The following TASOR2 variants were observed in gnomAD, a reference collection of about 807,000 sequenced individuals.
TASOR2 encodes the protein transcription activation suppressor family member 2.
TASOR2 carries 84 observed loss-of-function variants against 199.5 expected under a neutral mutation model. That is an observed-to-expected ratio of 0.42 (90% CI 0.35 to 0.50). TASOR2 has a LOEUF of 0.50. Among genes scored for constraint, TASOR2 ranks in the 20% least tolerant of loss-of-function variants. TASOR2 has a pLI of 0.02. For synonymous variants in TASOR2, 1,103 were observed against 1,046.6 expected, an observed-to-expected ratio of 1.05 and a Z score of -1.04; for missense variants, 2,796 against 2,835.9, an observed-to-expected ratio of 0.99 and a Z score of 0.32.
At chr10:5,759,123 G>C in intron 18 of TASOR2, 131 bp downstream of exon 19, 1 of 641,280 alleles carries the variant, frequency 1.6e-6, no homozygotes, top group South Asian at 2.0e-5. Context: ...AGGGCTGCTG[G>C]CTCTGTATTC....
rs776181288 is a variant in TASOR2 at position 5,752,228 on chromosome 10, C to T, written c.6606+2201C>T. Among the ~76,000 whole-genome samples the T allele has an allele frequency of 1.3e-5, 2 of 152,110 alleles. No homozygotes were observed. The highest frequency in any genetic ancestry group is 3.9e-4 in the East Asian group (2 of 5,188). ...TCATGATTCTTATAGTCTAATGGGA[C>T]AAGGAAAACACTGATTAAAAGAGTC... On this transcript the variant is annotated intron_variant, in intron 15 of 20. Coordinates refer to ENST00000328090, the Ensembl canonical transcript of TASOR2. This position sits in a 1 kb window ranked among gnomAD's most constrained non-coding sequence, Gnocchi z 4.4.
In TASOR2 at chr10:5,685,198, C is replaced by T. The variant is rs887457116; in HGVS notation, c.-288+23C>T. The T allele has an allele frequency of 7.5e-6, 3 of 397,674 alleles. No homozygotes were observed. Among genetic ancestry groups the T allele is most frequent in the East Asian group, 3.6e-5 (1 of 28,028 alleles). The allele number at this position is 397,674 out of a possible 1,614,324, so 24.6% of individuals were successfully genotyped here. ...CGGGTAAGTCCCTCCTCGGCCTGGG[C>T]GCCCGGGAACCCTGCGAGGAGGACG... On this transcript the variant is annotated intron_variant, in intron 1 of 20. Coordinates refer to ENST00000328090, the Ensembl canonical transcript of TASOR2. The surrounding 1 kb of genome is among the most constrained non-coding windows in gnomAD (Gnocchi z 5.4).
rs117311602 is a variant in TASOR2, at chr10:5,722,434, C to T, written c.147-1243C>T. Among the ~76,000 whole-genome samples the T allele has an allele frequency of 9.5e-3, 1,440 of 151,210 alleles. 8 individuals carry two copies. Among genetic ancestry groups the T allele is most frequent in the Non-Finnish European group, 0.014 (939 of 67,738 alleles). ...TCGCGCCACTACACTCCAGCCTGGG[C>T]GACAGAGTGAAACCTTATCTCAAAA... On this transcript the variant is annotated intron_variant, in intron 6 of 20. Transcript: ENST00000328090. The surrounding 1 kb of genome is among the most constrained non-coding windows in gnomAD (Gnocchi z 4.0).
intron 1 of TASOR2, among the ~76,000 whole-genome samples, chr10:5,700,921 C>G (rs1364795255): frequency 1.3e-5 from 2 of 150,822 alleles, no homozygotes; most frequent in East Asian, 3.9e-4. Context: ...TATTTTCTCC[C>G]ATTCTGTGGG....
chr10:5,721,022 G>T, intron 6 of TASOR2, 52 bp downstream of exon 7: 4 of 1,478,620 alleles, frequency 2.7e-6, no homozygotes, highest in East Asian at 2.3e-5. Context: ...CAAGTTTTGG[G>T]GTTTTTTTTC....
chr10:5,739,726 A>G (rs757935642), exon 13 of TASOR2: 19 of 1,614,198 alleles, frequency 1.2e-5, no homozygotes, highest in Non-Finnish European at 1.6e-5. Flanking sequence ...GCGGCTCACA[A>G]TGATCTTCCT....
rs1835694885 is a variant in TASOR2 at position 5,685,380 on chromosome 10, C to G, written c.-288+205C>G. 6.6e-6 allele frequency among the ~76,000 whole-genome samples: 1 copy of G among 152,098 alleles called. No individual in the cohort carries two copies. The highest frequency in any genetic ancestry group is 1.5e-5 in the Non-Finnish European group (1 of 68,010). On this transcript the variant is annotated intron_variant, in intron 1 of 20. Transcript: ENST00000328090. The surrounding 1 kb of genome is among the most constrained non-coding windows in gnomAD (Gnocchi z 5.4). Reference sequence around the variant, plus strand: ...TTCTGTCCTGCGCTACAACCTGTGGCCGCGCTCGGTGTCGCCGGCAGGGAG... The same window carrying G: ...TTCTGTCCTGCGCTACAACCTGTGGGCGCGCTCGGTGTCGCCGGCAGGGAG...
At chr10:5,708,962 G>A (rs558310465) in intron 1 of TASOR2, among the ~76,000 whole-genome samples, 16 of 152,106 alleles carry the variant, frequency 1.1e-4, no homozygotes, top group African/African-American at 3.1e-4. Flanking sequence ...TTAGCTTCCC[G>A]GCGTGCTGGG....
chr10:5,714,082 T>A, intron 2 of TASOR2, 53 bp from the exon 3 acceptor site: 2 of 941,492 alleles, frequency 2.1e-6, no homozygotes, highest in Non-Finnish European at 2.8e-6. Context: ...TTACAGATTA[T>A]AGCATTTTTT....
chr10:5,747,253 G>A (rs1809728227), exon 15 of TASOR2: 4 of 1,614,068 alleles, frequency 2.5e-6, no homozygotes, highest in Non-Finnish European at 3.4e-6. Flanking sequence ...GTTATCAGAG[G>A]AAGATTCTGA....
rs1212974524 is a variant in TASOR2, at chr10:5,685,048, C to T, written c.-415C>T. On this transcript the variant is annotated 5_prime_UTR_variant, in exon 1 of 21. Transcript: ENST00000328090. The surrounding 1 kb of genome is among the most constrained non-coding windows in gnomAD (Gnocchi z 5.4). Reference sequence around the variant, plus strand: ...CCCCGCGGGAGCGCGGAGCCGGCGACTGGTGCTTCCCACGTGCGCCGGTGT... The same window carrying T: ...CCCCGCGGGAGCGCGGAGCCGGCGATTGGTGCTTCCCACGTGCGCCGGTGT... 5.0e-6 allele frequency: 2 copies of T among 397,860 alleles called. No individual in the cohort carries two copies. The highest frequency in any genetic ancestry group is 8.9e-6 in the Non-Finnish European group (2 of 225,574). The allele number at this position is 397,860 out of a possible 1,614,324, so 24.6% of individuals were successfully genotyped here. A position where few individuals can be genotyped will look rare whatever the true frequency, so the allele number is the denominator to read the frequency against.
chr10:5,712,530 C>T (rs918900300), intron 1 of TASOR2: 3 of 1,231,434 alleles, frequency 2.4e-6, no homozygotes, highest in Middle Eastern at 3.1e-4. Context: ...ATGACATTTT[C>T]TTAAATGAGG....
At chr10:5,756,420 CT>C (rs1300042763) in intron 15 of TASOR2, among the ~76,000 whole-genome samples, 192 bp from the exon 17 acceptor site, 3 of 152,108 alleles carry the variant, frequency 2.0e-5, no homozygotes, top group African/African-American at 7.2e-5. Flanking sequence ...TTGAAATCAA[CT>C]TCTAAGTCCA....
At chr10:5,728,929 TTTAG>T (rs1193551002) in intron 10 of TASOR2, among the ~76,000 whole-genome samples, 1 of 152,186 alleles carries the variant, frequency 6.6e-6, no homozygotes, top group Non-Finnish European at 1.5e-5. Context: ...ATTTTTGTTT[TTTAG>T]TTGTAAACTA....
Position 5,754,922 on chromosome 10 carries a change from T to G in TASOR2, c.6607-1691T>G, listed in dbSNP as rs1215844757. Among the ~76,000 whole-genome samples, 1 of 151,444 alleles carries G rather than the reference T, an allele frequency of 6.6e-6. No homozygotes were observed. The highest frequency in any genetic ancestry group is 1.5e-5 in the Non-Finnish European group (1 of 67,932). On this transcript the variant is annotated intron_variant, in intron 15 of 20. Transcript: ENST00000328090. This position sits in a 1 kb window ranked among gnomAD's most constrained non-coding sequence, Gnocchi z 4.3. ...TTAGCTGGGCGTGGTGGCGGGTGCC[T>G]GTAGTCCCAGCTACTCGGGAGGCTG...
At chr10:5,729,216 G>A (rs74997470) in intron 10 of TASOR2, among the ~76,000 whole-genome samples, 6,827 of 152,188 alleles carry the variant, frequency 0.045, 677 homozygotes, top group East Asian at 0.44. Context: ...AGGTGTGGTG[G>A]CACATGCATA....
rs1248596925 is a variant in TASOR2, at chr10:5,720,734, TTTTC to T, written c.27-13_27-10del. ...CCTTTTACTCTTGTAAACATGTTCT[TTTTC>T]TTTCTTTTTCTGCTAGACTTGAACG... On this transcript the variant is annotated splice_polypyrimidine_tract_variant and intron_variant, in intron 4 of 20. Transcript: ENST00000328090. The surrounding 1 kb of genome is among the most constrained non-coding windows in gnomAD (Gnocchi z 5.3). 1 of 1,613,638 alleles carries T rather than the reference TTTTC, an allele frequency of 6.2e-7. No individual in the cohort carries two copies. Among genetic ancestry groups the T allele is most frequent in the African/African-American group, 1.3e-5 (1 of 74,910 alleles).
rs568422260 is a variant in TASOR2 at position 5,689,315 on chromosome 10, G to A, written c.-288+4140G>A. 1.3e-5 allele frequency among the ~76,000 whole-genome samples: 2 copies of A among 152,180 alleles called. No individual in the cohort carries two copies. Among genetic ancestry groups the A allele is most frequent in the Admixed American group, 6.5e-5 (1 of 15,276 alleles). The stretch of plus-strand genomic sequence containing the variant: ...TTGCTGCTTTGCTGTTAACTTGTAT[G>A]TATTGGCCGGGTGCGGTGGCTCACG... On this transcript the variant is annotated intron_variant, in intron 1 of 20. Transcript: ENST00000328090. This position sits in a 1 kb window ranked among gnomAD's most constrained non-coding sequence, Gnocchi z 4.1.
At chr10:5,712,837 C>G (rs1366368606) in exon 2 of TASOR2, 108 of 1,229,028 alleles carry the variant, frequency 8.8e-5, no homozygotes, top group Non-Finnish European at 1.1e-4. Flanking sequence ...AAACTTTTTA[C>G]CAACAAAAAA....
Sources: gnomAD v4.1 joint callset for allele counts (sites outside exome capture counted in the v4.1 genomes callset) on GRCh38, gnomAD v4.1.1 for gene constraint, Gnocchi (gnomAD v3.1) non-coding constraint, MANE v1.5 for transcripts, NCBI Gene and HGNC (gene_info 2026-07-23, HGNC 2026-07-21) for gene names.